The following LIX1L variants were observed in gnomAD, a reference collection of about 807,000 sequenced individuals.
LIX1L encodes LIX1-like protein.
In LIX1L, 20 loss-of-function variants were observed where a neutral mutation model predicts 34.0. The ratio of observed to expected loss-of-function variants is 0.59; its 90% CI spans 0.41 to 0.85. The LOEUF (loss-of-function observed/expected upper bound fraction) is 0.85, where lower values mean the gene tolerates loss of function less well. Among genes scored for constraint, LIX1L ranks in the 40% least tolerant of loss-of-function variants. The pLI is 0.00. For missense variants in LIX1L, 397 were observed against 447.0 expected, an observed-to-expected ratio of 0.89 and a Z score of 1.01; for synonymous variants, 170 against 187.4, an observed-to-expected ratio of 0.91 and a Z score of 0.76.
At chr1:145,949,034 A>G (rs1341921690) in intron 1 of LIX1L, 1 of 152,220 alleles carries the variant, frequency 6.6e-6, no homozygotes, top group Non-Finnish European at 1.5e-5. Context: ...TATGAATAAT[A>G]AATTCCTTTG....
At chr1:145,957,509 C>G in intron 1 of LIX1L, 127 bp downstream of exon 1, 1 of 1,287,690 alleles carries the variant, frequency 7.8e-7, no homozygotes, top group Non-Finnish European at 9.9e-7. Flanking sequence ...GTGCGTAGCC[C>G]AGAAGGAAAC....
chr1:145,946,344 G>A lies in LIX1L; in HGVS notation c.456+1275C>T, dbSNP rs900741185. Among the ~76,000 whole-genome samples, 22 of 151,676 alleles carry A rather than the reference G, an allele frequency of 1.5e-4. 2 individuals are homozygous for A. Among genetic ancestry groups the A allele is most frequent in the Admixed American group, 1.1e-3 (16 of 15,184 alleles). On this transcript the variant is annotated intron_variant, in intron 2 of 5. Transcript: ENST00000604000. ...CTCCTAAGTAGCTGGGATTACAGGCGTGCACCACCATGCCCAGCTAATTTT... is the reference window on the plus strand; with the variant it reads ...CTCCTAAGTAGCTGGGATTACAGGCATGCACCACCATGCCCAGCTAATTTT...
chr1:145,939,621 C>T (rs1648812843), intron 3 of LIX1L, among the ~76,000 whole-genome samples: 1 of 150,206 alleles, frequency 6.7e-6, no homozygotes, highest in Admixed American at 6.6e-5. Flanking sequence ...ACCATAATTG[C>T]TTTCTTTTTT....
At position 145,937,128 on chromosome 1, in the gene LIX1L, A is replaced by ATATT. The variant is rs111555787; in HGVS notation, c.694-147_694-144dup. The ATATT allele has an allele frequency of 5.9e-3, 1,161 of 195,250 alleles. 11 individuals carry two copies. The highest frequency in any genetic ancestry group is 0.01 in the South Asian group (64 of 6,240). The allele number at this position is 195,250 out of a possible 1,614,324, so 12.1% of individuals were successfully genotyped here. Reference sequence around the variant, plus strand: ...TCTGATAGGCCTTTGGGGAAGAAAAATATTTATTTATTTATTTATTTATTT... The same window carrying ATATT: ...TCTGATAGGCCTTTGGGGAAGAAAAATATTTATTTATTTATTTATTTATTTATTT... On this transcript the variant is annotated intron_variant, in intron 4 of 5. Transcript: ENST00000604000.
chr1:145,950,235 A>T (rs1306658816), intron 1 of LIX1L: 1 of 152,266 alleles, frequency 6.6e-6, no homozygotes, highest in Admixed American at 6.5e-5. Flanking sequence ...CAATTGCAAG[A>T]GATTTATCAG....
intron 1 of LIX1L, among the ~76,000 whole-genome samples, chr1:145,952,638 G>A (rs1292432065): frequency 1.3e-5 from 2 of 150,814 alleles, no homozygotes; most frequent in African/African-American, 2.4e-5. Context: ...TTGAGACAAA[G>A]TCTTGCTCTG....
In LIX1L at chr1:145,941,243, T is replaced by C. The variant is rs1204802641; in HGVS notation, c.597+1470A>G. 3.7e-5 allele frequency: 5 copies of C among 136,812 alleles called. No individual in the cohort carries two copies. The Admixed American group carries it at 4.3e-4, about 12-fold the overall frequency. 8.5% of individuals were successfully genotyped at this position (136,812 alleles called of 1,614,324 possible). ...GATAACTGAAGTAATTTAGTATATG[T>C]AATTACATCTTTTTTTTTTTTTTTT... On this transcript the variant is annotated intron_variant, in intron 3 of 5. Transcript: ENST00000604000.
chr1:145,942,980 A>G, intron 2 of LIX1L, 127 bp from the exon 3 acceptor site: 1 of 907,666 alleles, frequency 1.1e-6, no homozygotes, highest in South Asian at 1.6e-5. Flanking sequence ...GTTGTGTTCA[A>G]CACACTTTCC....
chr1:145,949,702 G>T (rs1188675502), intron 1 of LIX1L, among the ~76,000 whole-genome samples: 2 of 151,932 alleles, frequency 1.3e-5, no homozygotes, highest in East Asian at 3.8e-4. Context: ...TTTGCTTTTA[G>T]AAAGGATCAC....
At chr1:145,941,972 C>G (rs1648936717) in intron 3 of LIX1L, 1 of 152,168 alleles carries the variant, frequency 6.6e-6, no homozygotes, top group Non-Finnish European at 1.5e-5. Flanking sequence ...CAAACTCCGT[C>G]TCCCGGGTTC....
At chr1:145,945,273 C>G (rs188952012) in intron 2 of LIX1L, among the ~76,000 whole-genome samples, 150 of 148,376 alleles carry the variant, frequency 1.0e-3, no homozygotes, top group African/African-American at 3.6e-3. Flanking sequence ...TGCACTCCAG[C>G]CTGGGCGACA....
At position 145,936,377 on chromosome 1, in the gene LIX1L, T is replaced by C. The variant is rs781879398; in HGVS notation, c.947A>G (p.Lys316Arg). 4 of 1,614,090 alleles carry C rather than the reference T, an allele frequency of 2.5e-6. No individual in the cohort carries two copies. The South Asian group carries it at 4.4e-5, about 18-fold the overall frequency. The stretch of plus-strand genomic sequence containing the variant: ...CAGCACAAGAATATCTTTCTTCTCC[T>C]TGTGGAAGCGCAGCTCCTTGCCTGC... ...RLAGKELRFH[K>R]EKKDILVLAA... is the part of the protein sequence containing the mutation. Residue 316 changes from lysine to arginine, a missense_variant, in exon 6 of 6, where the codon AAG (lysine) becomes AGG (arginine). Physicochemically the swap from Lys to Arg is conservative, Grantham distance 26 (BLOSUM62 2). This residue lies in a region of LIX1L where 174 missense variants were observed against 204.0 expected (regional missense o/e 0.85). Coordinates refer to ENST00000604000, the MANE Select transcript of LIX1L (RefSeq NM_153713.3).
Position 145,935,222 on chromosome 1 carries a change from T to C in LIX1L, c.*1088A>G, listed in dbSNP as rs1648594003. On this transcript the variant is annotated 3_prime_UTR_variant, in exon 6 of 6. Transcript: ENST00000604000. Reference sequence around the variant, plus strand: ...CAAATAACTGATCATTGATTCTCTTTCCCTTCCTGCAGTCTCCCAAGGTGT... The same window carrying C: ...CAAATAACTGATCATTGATTCTCTTCCCCTTCCTGCAGTCTCCCAAGGTGT... 6.6e-6 allele frequency: 1 copy of C among 152,096 alleles called. No homozygotes were observed. Among genetic ancestry groups the C allele is most frequent in the Non-Finnish European group, 1.5e-5 (1 of 68,014 alleles). The allele number at this position is 152,096 out of a possible 1,614,324, so 9.4% of individuals were successfully genotyped here. A position where few individuals can be genotyped will look rare whatever the true frequency, so the allele number is the denominator to read the frequency against.
chr1:145,956,823 C>T (rs587762360), intron 1 of LIX1L, among the ~76,000 whole-genome samples: 1 of 152,314 alleles, frequency 6.6e-6, no homozygotes, highest in East Asian at 1.9e-4. Context: ...AAAACCCTCA[C>T]ATCCCTCTTT....
rs587616491 is a variant in LIX1L, at chr1:145,936,137, G to T, written c.*173C>A. ...CAAATAAAACTACATCCAAAAACTG[G>T]TAGTAAGAAAAGGGATCTCTTAGCA... is the stretch of plus-strand genomic sequence containing the variant. On this transcript the variant is annotated 3_prime_UTR_variant, in exon 6 of 6. Coordinates refer to ENST00000604000, the MANE Select transcript of LIX1L (RefSeq NM_153713.3). The T allele has an allele frequency of 4.3e-6, 3 of 702,212 alleles. No homozygotes were observed. Among genetic ancestry groups the T allele is most frequent in the African/African-American group, 3.6e-5 (2 of 55,704 alleles). The allele number at this position is 702,212 out of a possible 1,614,324, so 43.5% of individuals were successfully genotyped here. A position where few individuals can be genotyped will look rare whatever the true frequency, so the allele number is the denominator to read the frequency against.
At chr1:145,951,448 A>C (rs1553759829) in intron 1 of LIX1L, among the ~76,000 whole-genome samples, 1 of 152,044 alleles carries the variant, frequency 6.6e-6, no homozygotes, top group African/African-American at 2.4e-5. Flanking sequence ...AGCAGCATAA[A>C]CTCTTTTTAA....
intron 2 of LIX1L, among the ~76,000 whole-genome samples, chr1:145,946,929 T>C (rs1205045094): frequency 6.6e-6 from 1 of 152,202 alleles, no homozygotes; most frequent in Non-Finnish European, 1.5e-5. Flanking sequence ...GTCTGCAATG[T>C]AAAAAATCCA....
intron 1 of LIX1L, 134 bp downstream of exon 1, chr1:145,957,502 C>A: frequency 8.1e-7 from 1 of 1,236,012 alleles, no homozygotes; most frequent in Non-Finnish European, 1.0e-6. Context: ...TGTGCGTGTG[C>A]GTAGCCCAGA....
At chr1:145,947,086 T>C (rs1193564114) in intron 2 of LIX1L, 1 of 153,342 alleles carries the variant, frequency 6.5e-6, no homozygotes, top group Non-Finnish European at 1.5e-5. Context: ...CCTATCTCCT[T>C]CATGTTATAG....
Sources: allele counts gnomAD v4.1 joint callset (sites outside exome capture counted in the v4.1 genomes callset), GRCh38; gene constraint gnomAD v4.1.1; regional missense constraint gnomAD v4.1.1; transcripts MANE v1.5; gene names NCBI Gene and HGNC (gene_info 2026-07-23, HGNC 2026-07-21).